The following SLC25A53 variants were observed in gnomAD, a reference collection of about 807,000 sequenced individuals.
SLC25A53 encodes mitochondrial carrier triple repeat protein 6.
A neutral mutation model predicts 15.0 loss-of-function variants in SLC25A53; 5 were observed. The ratio of observed to expected loss-of-function variants is 0.33; its 90% confidence interval spans 0.17 to 0.70. SLC25A53 has a LOEUF of 0.70. Ranked by LOEUF, SLC25A53 falls within the 30% of genes least tolerant of loss-of-function variation. The probability of loss-of-function intolerance (pLI) is 0.67; values close to 1 mark genes in which losing one functional copy is unlikely to be tolerated. For synonymous variants in SLC25A53, 95 were observed against 100.0 expected, an observed-to-expected ratio of 0.95 and a Z score of 0.30; for missense variants, 216 against 241.6, an observed-to-expected ratio of 0.89 and a Z score of 0.70.
At chrX:104,114,675 G>A (rs1320589886) in intron 1 of SLC25A53, 1 of 1,210,335 alleles carries the variant, frequency 8.3e-7, no homozygotes, top group African/African-American at 1.7e-5. Context: ...ATAGGGACCT[G>A]CGCTTCAGGC....
At chrX:104,110,611 C>G (rs1169407709) in intron 1 of SLC25A53, among the ~76,000 whole-genome samples, 3 of 112,107 alleles carry the variant, frequency 2.7e-5, no homozygotes, top group African/African-American at 9.7e-5. Context: ...CCTAGCCACA[C>G]TATACATAAA....
At chrX:104,148,975 T>C (rs1422097603) in intron 1 of SLC25A53, among the ~76,000 whole-genome samples, 3 of 112,456 alleles carry the variant, frequency 2.7e-5, no homozygotes, top group Admixed American at 9.4e-5. Context: ...TAGTTCAAGA[T>C]CTTATTTTAA....
intron 1 of SLC25A53, among the ~76,000 whole-genome samples, chrX:104,149,840 A>G (rs998857682): frequency 2.7e-5 from 3 of 111,432 alleles, no homozygotes; most frequent in Non-Finnish European, 5.6e-5. Context: ...ACTTTCTCCC[A>G]TGTACTTCTC....
chrX:104,115,221 G>C, intron 1 of SLC25A53: 1 of 1,207,524 alleles, frequency 8.3e-7, no homozygotes, highest in East Asian at 3.0e-5. Context: ...ACAAGGCCCA[G>C]GTTTTTGAGA....
intron 1 of SLC25A53, among the ~76,000 whole-genome samples, chrX:104,147,376 G>A (rs782516809): frequency 9.0e-6 from 1 of 111,423 alleles, no homozygotes; most frequent in Non-Finnish European, 1.9e-5. Flanking sequence ...TTACCATTCA[G>A]GACATAGGCA....
At chrX:104,141,751 C>G (rs1391999251) in intron 1 of SLC25A53, among the ~76,000 whole-genome samples, 1 of 110,809 alleles carries the variant, frequency 9.0e-6, no homozygotes, top group Non-Finnish European at 1.9e-5. Flanking sequence ...CCACGCCTGG[C>G]TAATTTTTGA....
chrX:104,156,030 C>T (rs1192144345), intron 1 of SLC25A53, among the ~76,000 whole-genome samples: 1 of 89,619 alleles, frequency 1.1e-5, no homozygotes, highest in Non-Finnish European at 2.1e-5. Context: ...CCAGCCTGGG[C>T]GACAGAAGTA....
rs782679552 is a variant in SLC25A53 at position 104,114,274 on chromosome X, G to A, written c.-31-8986C>T. On this transcript the variant is annotated intron_variant, in intron 1 of 1. Transcript: ENST00000594199. ...GTTGTTCTCAGGAAGAGTGGTGCCA[G>A]CCCAGGGGAAAGAAACCTTTGAAAA... The A allele has an allele frequency of 1.2e-5, 15 of 1,208,440 alleles. No homozygotes were observed. The Middle Eastern group carries it at 1.8e-3, about 147-fold the overall frequency.
Position 104,103,199 on chromosome X carries a change from C to T in SLC25A53, c.*1135G>A, listed in dbSNP as rs2075289330. 9.1e-6 allele frequency: 1 copy of T among 109,838 alleles called. No homozygotes were observed. The highest frequency in any genetic ancestry group is 4.0e-4 in the South Asian group (1 of 2,504). 9.1% of individuals were successfully genotyped at this position (109,838 alleles called of 1,213,427 possible). ...AATGTCACATTCAGTTGGGGAAAAT[C>T]AAGAACTCCATAGAGAAGGTGACCT... On this transcript the variant is annotated 3_prime_UTR_variant, in exon 2 of 2. Transcript: ENST00000594199.
chrX:104,102,379 T>A lies in SLC25A53; in HGVS notation c.*1955A>T, dbSNP rs1228368855. On this transcript the variant is annotated 3_prime_UTR_variant, in exon 2 of 2. Transcript: ENST00000594199. ...TACAGTTGTACAGTGTGATTCTGTT[T>A]GTGAAATTTCAGTTCCTGAACTGGT... 4 of 112,581 alleles carry A rather than the reference T, an allele frequency of 3.6e-5. No homozygotes were observed. The highest frequency in any genetic ancestry group is 1.3e-4 in the African/African-American group (4 of 30,990). 9.3% of individuals were successfully genotyped at this position (112,581 alleles called of 1,213,427 possible).
chrX:104,117,422 A>C (rs1475081066), intron 1 of SLC25A53, among the ~76,000 whole-genome samples: 1 of 110,701 alleles, frequency 9.0e-6, no homozygotes, highest in Non-Finnish European at 1.9e-5. Flanking sequence ...TGATGGCCTT[A>C]AGCCTCAGCC....
intron 1 of SLC25A53, among the ~76,000 whole-genome samples, chrX:104,119,355 G>C (rs1350226539): frequency 8.9e-6 from 1 of 112,085 alleles, no homozygotes; most frequent in Non-Finnish European, 1.9e-5. Flanking sequence ...GGGTTGGAGA[G>C]AACTTTCTAT....
intron 1 of SLC25A53, among the ~76,000 whole-genome samples, chrX:104,125,616 A>T (rs2075408816): frequency 8.9e-6 from 1 of 112,063 alleles, no homozygotes; most frequent in African/African-American, 3.2e-5. Flanking sequence ...GTGGGTTCAC[A>T]GATGAAAACT....
chrX:104,146,255 G>A (rs782353956), intron 1 of SLC25A53, among the ~76,000 whole-genome samples: 83 of 111,767 alleles, frequency 7.4e-4, no homozygotes, highest in Middle Eastern at 4.7e-3. Context: ...AAATTCAACA[G>A]CCCTTCATGC....
intron 1 of SLC25A53, chrX:104,114,942 G>A: frequency 8.3e-7 from 1 of 1,198,210 alleles, no homozygotes; most frequent in Non-Finnish European, 1.1e-6. Context: ...ACTCTGATGA[G>A]GATGTGATCC....
At chrX:104,112,464 G>A (rs1165529840) in intron 1 of SLC25A53, 7 of 113,929 alleles carry the variant, frequency 6.1e-5, no homozygotes, top group Non-Finnish European at 7.5e-5. Context: ...GGGGCCGGAG[G>A]CTGTGCGGCG....
chrX:104,111,631 C>A (rs1421340757), intron 1 of SLC25A53, among the ~76,000 whole-genome samples: 2 of 111,422 alleles, frequency 1.8e-5, no homozygotes, highest in African/African-American at 6.5e-5. Context: ...TACCTCCTCA[C>A]CCCCTCCCTC....
In SLC25A53 at chrX:104,104,822, G is replaced by T. The variant is rs373126263; in HGVS notation, c.436C>A (p.Arg146Ser). Residue 146 changes from arginine to serine, a missense_variant, in exon 2 of 2, where the codon CGC becomes AGC. Arg to Ser is a moderately radical substitution (Grantham distance 110). Coordinates refer to ENST00000594199, the MANE Select transcript of SLC25A53 (RefSeq NM_001012755.5). Reference sequence around the variant, plus strand: ...GTGCTGGGGAAGCGAGCTTGCTTGCGACCATCCTGGAGCACATTTTGCACC... The same window carrying T: ...GTGCTGGGGAAGCGAGCTTGCTTGCTACCATCCTGGAGCACATTTTGCACC... ...ERVQNVLQDG[R>S]KQARFPSTFS... 2 of 1,209,812 alleles carry T rather than the reference G, an allele frequency of 1.7e-6. No individual in the cohort carries two copies. Among genetic ancestry groups the T allele is most frequent in the Non-Finnish European group, 2.2e-6 (2 of 895,239 alleles).
Position 104,104,877 on chromosome X carries a change from C to T in SLC25A53, c.381G>A (p.Val127=), listed in dbSNP as rs782609665. The part of the protein sequence containing the change: ...RWAAGLMSGV[V]EAVALSPFER... ...CAAAGGGGCTGAGTGCCACGGCCTC[C>T]ACCACGCCAGACATGAGCCCGGCAG... Residue 127 remains valine, a synonymous_variant, in exon 2 of 2, where the codon GTG becomes GTA. Coordinates refer to ENST00000594199, the MANE Select transcript of SLC25A53 (RefSeq NM_001012755.5). 1 of 1,212,071 alleles carries T rather than the reference C, an allele frequency of 8.3e-7. No individual in the cohort carries two copies. The highest frequency in any genetic ancestry group is 1.1e-6 in the Non-Finnish European group (1 of 895,631).
Sources: gnomAD v4.1 joint callset for allele counts (sites outside exome capture counted in the v4.1 genomes callset) on GRCh38, gnomAD v4.1.1 for gene constraint, MANE v1.5 for transcripts, NCBI Gene and HGNC (gene_info 2026-07-23, HGNC 2026-07-21) for gene names.